HIBADH: variants seen among roughly 807,000 people sequenced by gnomAD.
The protein encoded by HIBADH is 3-hydroxyisobutyrate dehydrogenase, also known as 3-hydroxyisobutyrate dehydrogenase, mitochondrial.
Under a neutral mutation model 36.1 loss-of-function variants are expected in HIBADH, and 25 were observed. The observed-to-expected ratio is 0.69, with a 90% CI of 0.50 to 0.97. The LOEUF (loss-of-function observed/expected upper bound fraction) is 0.97. HIBADH is among the 50% of genes least tolerant of loss of function. The pLI is 0.00. For synonymous variants in HIBADH, 160 were observed against 149.5 expected, an observed-to-expected ratio of 1.07 and a Z score of -0.51; for missense variants, 421 against 418.0, an observed-to-expected ratio of 1.01 and a Z score of -0.06.
chr7:27,580,430 A>T (rs1303309225), intron 4 of HIBADH, among the ~76,000 whole-genome samples: 1 of 152,210 alleles, frequency 6.6e-6, no homozygotes, highest in Non-Finnish European at 1.5e-5. Context: ...AATCCAGATA[A>T]CTAGGACTGT....
At position 27,539,685 on chromosome 7, in the gene HIBADH, G is replaced by A. The variant is rs564342960; in HGVS notation, c.619-1268C>T. Among the ~76,000 whole-genome samples, 16 of 152,222 alleles carry A rather than the reference G, an allele frequency of 1.1e-4. No homozygotes were observed. The South Asian group carries it at 2.7e-3, about 26-fold the overall frequency. ...CCCTTGAATGATGAGGGGGTTAGGGGTGCCAACCCCCAGTGCAGTCAAAAA... is the reference window on the plus strand; with the variant it reads ...CCCTTGAATGATGAGGGGGTTAGGGATGCCAACCCCCAGTGCAGTCAAAAA... On this transcript the variant is annotated intron_variant, in intron 5 of 7. Coordinates refer to ENST00000265395, the MANE Select transcript of HIBADH (RefSeq NM_152740.4).
At chr7:27,609,511 A>G (rs988241445) in intron 4 of HIBADH, among the ~76,000 whole-genome samples, 2 of 152,208 alleles carry the variant, frequency 1.3e-5, no homozygotes, top group Admixed American at 6.5e-5. Flanking sequence ...ATACAGAGTG[A>G]TAAGTAAAAT....
chr7:27,565,360 C>T (rs778939576), intron 4 of HIBADH, among the ~76,000 whole-genome samples: 51 of 152,310 alleles, frequency 3.3e-4, no homozygotes, highest in Non-Finnish European at 6.0e-4. Flanking sequence ...GACACGGCCC[C>T]TCCTCTTGGG....
intron 4 of HIBADH, among the ~76,000 whole-genome samples, chr7:27,574,893 T>C (rs1375673478): frequency 2.0e-5 from 3 of 152,166 alleles, no homozygotes; most frequent in African/African-American, 7.2e-5. Context: ...TTTCCTCTCA[T>C]TTAGGAGATT....
At chr7:27,532,488 A>G (rs375117420) in intron 6 of HIBADH, among the ~76,000 whole-genome samples, 1 of 152,224 alleles carries the variant, frequency 6.6e-6, no homozygotes, top group East Asian at 1.9e-4. Context: ...ATCATGGCCA[A>G]TAAAACATTT....
In HIBADH at chr7:27,626,104, G is replaced by GAAAAAAAAA. The variant is rs70994672; in HGVS notation, c.484+3258_484+3266dup. Among the ~76,000 whole-genome samples, 81 of 72,452 alleles carry GAAAAAAAAA rather than the reference G, an allele frequency of 1.1e-3. 1 individual carries two copies. Among genetic ancestry groups the GAAAAAAAAA allele is most frequent in the African/African-American group, 3.0e-3 (56 of 18,648 alleles). 47.5% of individuals were successfully genotyped at this position (72,452 alleles called of 152,430 possible). On this transcript the variant is annotated intron_variant, in intron 4 of 7. Coordinates refer to ENST00000265395, the MANE Select transcript of HIBADH (RefSeq NM_152740.4). Reference sequence around the variant, plus strand: ...GGTGACACAGTGAGACTCCGTCTCAGAAAAAAAAAAAAAAAAAAAAAAGAT... The same window carrying GAAAAAAAAA: ...GGTGACACAGTGAGACTCCGTCTCAGAAAAAAAAAAAAAAAAAAAAAAAAAAAAAAAGAT...
chr7:27,641,342 G>A (rs1785957744), intron 2 of HIBADH, among the ~76,000 whole-genome samples: 2 of 152,132 alleles, frequency 1.3e-5, no homozygotes, highest in South Asian at 2.1e-4. Context: ...TGGGGGATGG[G>A]CTTGTTTTCT....
At chr7:27,561,242 A>G (rs892193318) in intron 4 of HIBADH, among the ~76,000 whole-genome samples, 1 of 152,160 alleles carries the variant, frequency 6.6e-6, no homozygotes, top group Non-Finnish European at 1.5e-5. Context: ...CTTGCCCCTT[A>G]TATTTTCAAA....
chr7:27,645,367 G>GTTTTTTT, intron 2 of HIBADH, among the ~76,000 whole-genome samples: 1 of 32,086 alleles, frequency 3.1e-5, no homozygotes. Flanking sequence ...TCATGGTTTT[G>GTTTTTTT]ATTTTTTTTT....
intron 4 of HIBADH, among the ~76,000 whole-genome samples, chr7:27,577,331 T>A (rs1385073610): frequency 1.0e-5 from 1 of 96,604 alleles, no homozygotes; most frequent in Non-Finnish European, 1.9e-5. Flanking sequence ...ACCTGACTTA[T>A]TTTTTATTTT....
chr7:27,652,633 C>T (rs1170211202), intron 1 of HIBADH, among the ~76,000 whole-genome samples: 2 of 152,218 alleles, frequency 1.3e-5, no homozygotes, highest in Non-Finnish European at 2.9e-5. Context: ...ATGAAGGTGA[C>T]AGCAGATCCA....
intron 4 of HIBADH, among the ~76,000 whole-genome samples, chr7:27,591,071 C>T (rs1421677878): frequency 6.6e-6 from 1 of 152,190 alleles, no homozygotes; most frequent in East Asian, 1.9e-4. Flanking sequence ...CTAAGTCTTA[C>T]ATTTTTAATT....
chr7:27,629,400 G>A lies in HIBADH; in HGVS notation c.455C>T (p.Ala152Val). Reference protein sequence around the residue: ...ELAKEVEKMGAVFMDAPVSGG... With the variant: ...ELAKEVEKMGVVFMDAPVSGG... ...AGAAACAGGGGCATCCATGAAAACTGCTCCCATTTTCTCAACTTCTTTGGC... is the reference window on the plus strand; with the variant it reads ...AGAAACAGGGGCATCCATGAAAACTACTCCCATTTTCTCAACTTCTTTGGC... Residue 152 changes from alanine to valine, a missense_variant, in exon 4 of 8, where the codon GCA becomes GTA. Transcript: ENST00000265395. The A allele has an allele frequency of 1.2e-6, 2 of 1,611,644 alleles. No individual in the cohort carries two copies. Among genetic ancestry groups the A allele is most frequent in the Non-Finnish European group, 1.7e-6 (2 of 1,178,704 alleles).
Position 27,629,459 on chromosome 7 carries a change from G to A in HIBADH, c.396C>T (p.Ser132=). Residue 132 remains serine, a synonymous_variant, in exon 4 of 8, where the codon TCC becomes TCT. Coordinates refer to ENST00000265395, the MANE Select transcript of HIBADH (RefSeq NM_152740.4). ...TTGAAACTGCAGGATCAATAGTGCTGGAATCTATTAATAATGAGCCCTTCT... is the reference window on the plus strand; with the variant it reads ...TTGAAACTGCAGGATCAATAGTGCTAGAATCTATTAATAATGAGCCCTTCT... ...KVKKGSLLID[S]STIDPAVSKE... The A allele has an allele frequency of 1.2e-6, 2 of 1,603,024 alleles. No individual in the cohort carries two copies. Among genetic ancestry groups the A allele is most frequent in the Non-Finnish European group, 1.7e-6 (2 of 1,172,818 alleles).
chr7:27,543,655 C>T (rs944836230), intron 4 of HIBADH, among the ~76,000 whole-genome samples: 1 of 152,086 alleles, frequency 6.6e-6, no homozygotes, highest in South Asian at 2.1e-4. Context: ...TTTTTTAAGG[C>T]AAGGAAAACT....
At chr7:27,558,864 T>C (rs992132244) in intron 4 of HIBADH, among the ~76,000 whole-genome samples, 1 of 152,174 alleles carries the variant, frequency 6.6e-6, no homozygotes, top group Non-Finnish European at 1.5e-5. Flanking sequence ...ACTTCTCTGA[T>C]CTTAAAACTA....
In HIBADH at chr7:27,585,269, ATG is replaced by A. The variant is rs763042205; in HGVS notation, c.485-42171_485-42170del. Among the ~76,000 whole-genome samples the A allele has an allele frequency of 3.5e-5, 5 of 142,826 alleles. No homozygotes were observed. The South Asian group carries it at 1.1e-3, about 32-fold the overall frequency. 93.7% of individuals were successfully genotyped at this position (142,826 alleles called of 152,430 possible). A position where few individuals can be genotyped will look rare whatever the true frequency, so the allele number is the denominator to read the frequency against. ...TGCATATATACACACGTGTGTATGT[ATG>A]TGTATGTATATGCACACACGTGTGT... is the stretch of plus-strand genomic sequence containing the variant. On this transcript the variant is annotated intron_variant, in intron 4 of 7. Transcript: ENST00000265395.
intron 4 of HIBADH, among the ~76,000 whole-genome samples, chr7:27,570,456 T>G (rs749001246): frequency 6.6e-6 from 1 of 152,190 alleles, no homozygotes; most frequent in Non-Finnish European, 1.5e-5. Flanking sequence ...GATATTTACA[T>G]GATATTTTTA....
intron 2 of HIBADH, among the ~76,000 whole-genome samples, chr7:27,641,114 G>A (rs1785952397): frequency 6.6e-6 from 1 of 152,156 alleles, no homozygotes; most frequent in South Asian, 2.1e-4. Flanking sequence ...AAAGAATCTG[G>A]CTGTATCTAT....
Sources: allele counts gnomAD v4.1 joint callset (sites outside exome capture counted in the v4.1 genomes callset), GRCh38; gene constraint gnomAD v4.1.1; transcripts MANE v1.5; gene names NCBI Gene and HGNC (gene_info 2026-07-23, HGNC 2026-07-21).